DAB1: variants seen among roughly 807,000 people sequenced by gnomAD.
DAB1 encodes the protein disabled homolog 1.
DAB1 carries 15 observed loss-of-function variants against 64.6 expected under a neutral mutation model. The observed-to-expected ratio is 0.23, with a 90% CI of 0.16 to 0.36. DAB1 has a LOEUF of 0.36. Among genes scored for constraint, DAB1 ranks in the 10% least tolerant of loss-of-function variants. The pLI is 1.00. For synonymous variants in DAB1, 235 were observed against 251.9 expected, an observed-to-expected ratio of 0.93 and a Z score of 0.64; for missense variants, 596 against 706.7, an observed-to-expected ratio of 0.84 and a Z score of 1.78.
chr1:58,481,259 T>A lies in DAB1; in HGVS notation n.257+24801A>T, dbSNP rs1253840416. The A allele has an allele frequency of 1.1e-5, 5 of 472,852 alleles. No individual in the cohort carries two copies. In the East Asian group the frequency reaches 1.4e-4, roughly 13 times the overall value. The allele number at this position is 472,852 out of a possible 1,614,324, so 29.3% of individuals were successfully genotyped here. On this transcript the variant is annotated intron_variant and non_coding_transcript_variant, in intron 3 of 20. Transcript: ENST00000485760. ...TTTCAGTAATCCCTAATATGCTCCA[T>A]GTAAAACAAAGAATGTATTGTTATT... is the stretch of plus-strand genomic sequence containing the variant.
At position 58,381,647 on chromosome 1, in the gene DAB1, T is replaced by C. The variant is rs2100547638; in HGVS notation, n.258-38244A>G. Among the ~76,000 whole-genome samples, 4 of 152,314 alleles carry C rather than the reference T, an allele frequency of 2.6e-5. No individual in the cohort carries two copies. In the Middle Eastern group the frequency reaches 0.01, roughly 389 times the overall value. ...AAGACCAAACCACAGGAATTAAGAA[T>C]GCTTCCAAGGTTTTTAAATAAACTG... On this transcript the variant is annotated intron_variant and non_coding_transcript_variant, in intron 3 of 20. Transcript: ENST00000485760.
At chr1:57,372,376 A>T (rs995682400) in intron 1 of DAB1, among the ~76,000 whole-genome samples, 1 of 152,184 alleles carries the variant, frequency 6.6e-6, no homozygotes, top group Non-Finnish European at 1.5e-5. Flanking sequence ...AGAAAGACAC[A>T]TGGGACCTGA....
chr1:58,166,630 CAT>C (rs1655847569), intron 4 of DAB1, among the ~76,000 whole-genome samples: 1 of 152,042 alleles, frequency 6.6e-6, no homozygotes. Context: ...TTCAGGGACA[CAT>C]GTTTTCCTAT....
Position 58,125,394 on chromosome 1 carries a change from T to A in DAB1, n.387+25117A>T, listed in dbSNP as rs1481492390. 2.6e-5 allele frequency among the ~76,000 whole-genome samples: 4 copies of A among 152,236 alleles called. No homozygotes were observed. In the East Asian group the frequency reaches 5.8e-4, roughly 22 times the overall value. On this transcript the variant is annotated intron_variant and non_coding_transcript_variant, in intron 5 of 20. Transcript: ENST00000485760. ...TCTGAGTAGAGTACAATCATAGTGC[T>A]AATACTACTACTAATAATAGTCATA...
At chr1:58,219,455 C>T (rs1331819775) in intron 4 of DAB1, among the ~76,000 whole-genome samples, 1 of 152,156 alleles carries the variant, frequency 6.6e-6, no homozygotes, top group African/African-American at 2.4e-5. Context: ...ATCACCAGGA[C>T]CAGACTGGGC....
At chr1:57,334,341 C>T (rs181961933) in intron 1 of DAB1, among the ~76,000 whole-genome samples, 320 of 152,376 alleles carry the variant, frequency 2.1e-3, no homozygotes, top group Admixed American at 3.8e-3. Flanking sequence ...GCCATGCACT[C>T]AGCATGTTCC....
chr1:57,626,422 T>C (rs2101622628), intron 7 of DAB1, among the ~76,000 whole-genome samples: 1 of 152,228 alleles, frequency 6.6e-6, no homozygotes, highest in East Asian at 1.9e-4. Flanking sequence ...GTCTAATAGA[T>C]GTGAAGGCAC....
intron 5 of DAB1, among the ~76,000 whole-genome samples, chr1:57,894,985 A>C (rs909628090): frequency 6.6e-6 from 1 of 152,116 alleles, no homozygotes; most frequent in Non-Finnish European, 1.5e-5. Context: ...AGCTCCCCAC[A>C]AAAGTTTGTG....
chr1:58,102,247 C>T (rs1347877937), intron 5 of DAB1, among the ~76,000 whole-genome samples: 5 of 152,182 alleles, frequency 3.3e-5, no homozygotes, highest in Admixed American at 2.6e-4. Flanking sequence ...AATGGGTGCA[C>T]AGTATGCATT....
intron 2 of DAB1, among the ~76,000 whole-genome samples, chr1:57,230,320 G>GAAAAA (rs77981305): frequency 1.1e-5 from 1 of 91,352 alleles, no homozygotes. Flanking sequence ...CCCCTTCAGA[G>GAAAAA]AAAAAAAAAA....
At chr1:58,434,338 G>C (rs1477191733) in intron 3 of DAB1, among the ~76,000 whole-genome samples, 1 of 151,642 alleles carries the variant, frequency 6.6e-6, no homozygotes, top group Non-Finnish European at 1.5e-5. Context: ...TGTGAATACA[G>C]TAGTAGCTCT....
chr1:57,201,775 C>T (rs1665118511), intron 2 of DAB1, among the ~76,000 whole-genome samples: 1 of 152,068 alleles, frequency 6.6e-6, no homozygotes, highest in Admixed American at 6.5e-5. Context: ...ACTGGAAGAT[C>T]TGGAGAACAG....
chr1:57,292,152 T>C (rs1672829184), intron 1 of DAB1, among the ~76,000 whole-genome samples: 1 of 152,138 alleles, frequency 6.6e-6, no homozygotes, highest in African/African-American at 2.4e-5. Context: ...CCCACAGATG[T>C]AGAATGGTTT....
At position 57,668,912 on chromosome 1, in the gene DAB1, T is replaced by C. The variant is rs1008307606; in HGVS notation, n.552-19247A>G. Among the ~76,000 whole-genome samples the C allele has an allele frequency of 2.6e-5, 4 of 152,146 alleles. No homozygotes were observed. In the South Asian group the frequency reaches 8.3e-4, roughly 32 times the overall value. ...TTTATTATGATCTTAAACATTTACA[T>C]ATGCATATTCTAAGTTATATGGACA... On this transcript the variant is annotated intron_variant and non_coding_transcript_variant, in intron 6 of 20. Coordinates refer to the DAB1 transcript ENST00000485760.
At chr1:57,756,175 C>T (rs1569585755) in intron 6 of DAB1, among the ~76,000 whole-genome samples, 2 of 152,292 alleles carry the variant, frequency 1.3e-5, no homozygotes, top group East Asian at 3.9e-4. Flanking sequence ...GCTGCCTATA[C>T]ACCAAAACAA....
chr1:57,022,656 GA>G (rs1448759163), intron 11 of DAB1, among the ~76,000 whole-genome samples: 9 of 152,178 alleles, frequency 5.9e-5, no homozygotes, highest in South Asian at 2.1e-4. Flanking sequence ...AGTAATTATA[GA>G]AAAAAATGCA....
chr1:57,934,139 C>G (rs1473310363), intron 5 of DAB1, among the ~76,000 whole-genome samples: 1 of 149,312 alleles, frequency 6.7e-6, no homozygotes, highest in Non-Finnish European at 1.5e-5. Flanking sequence ...GTTGGTCAGG[C>G]TGGTCTCAAA....
chr1:57,545,582 C>A (rs935410784), intron 7 of DAB1, among the ~76,000 whole-genome samples: 9 of 152,166 alleles, frequency 5.9e-5, no homozygotes, highest in Non-Finnish European at 8.8e-5. Flanking sequence ...GGTGACCCAG[C>A]CTGTCACACT....
At chr1:58,064,628 G>T (rs17116802) in intron 5 of DAB1, among the ~76,000 whole-genome samples, 21,661 of 152,226 alleles carry the variant, frequency 0.14, 1,713 homozygotes, top group East Asian at 0.31. Flanking sequence ...TGAGGCCACA[G>T]ACTTGCATTC....
Sources: gnomAD v4.1 joint callset for allele counts (sites outside exome capture counted in the v4.1 genomes callset) on GRCh38, gnomAD v4.1.1 for gene constraint, MANE v1.5 for transcripts, NCBI Gene and HGNC (gene_info 2026-07-23, HGNC 2026-07-21) for gene names.